The following PABIR3 variants were observed in gnomAD, a reference collection of about 807,000 sequenced individuals.
PABIR3 encodes PABIR family member 1.
In PABIR3, 20 loss-of-function variants were observed where a neutral mutation model predicts 23.1. The observed-to-expected ratio is 0.86, with a 90% CI of 0.61 to 1.26. The LOEUF (loss-of-function observed/expected upper bound fraction) is 1.26. PABIR3 is among the 50% of genes most tolerant of loss of function. The pLI is 0.00. For synonymous variants in PABIR3, 69 were observed against 68.5 expected, an observed-to-expected ratio of 1.01 and a Z score of -0.04; for missense variants, 189 against 195.4, an observed-to-expected ratio of 0.97 and a Z score of 0.20.
At chrX:134,807,444 C>A in intron 1 of PABIR3, 96 bp from the exon 2 acceptor site, 2 of 1,083,615 alleles carry the variant, frequency 1.8e-6, no homozygotes, top group Non-Finnish European at 2.4e-6. Context: ...GCTGCTAGGG[C>A]TGCAAAGGTG....
the PABIR3 span, among the ~76,000 whole-genome samples, chrX:134,861,530 C>T: frequency 5.7e-5 from 6 of 105,935 alleles, no homozygotes; most frequent in South Asian, 1.3e-3. Context: ...AATAATTAGC[C>T]GGGCGCAGTG....
intron 4 of PABIR3, among the ~76,000 whole-genome samples, chrX:134,839,885 G>A (rs1253465349): frequency 1.8e-5 from 2 of 113,168 alleles, no homozygotes; most frequent in African/African-American, 6.4e-5. Context: ...TTGAGAACGG[G>A]CCATGATGAC....
chrX:134,839,025 G>A (rs1415344113), intron 4 of PABIR3: 1 of 117,240 alleles, frequency 8.5e-6, no homozygotes, highest in Non-Finnish European at 1.7e-5. Flanking sequence ...GAGTGCAGTG[G>A]CGTGATCTCG....
chrX:134,809,203 TCGCCCAGG>T (rs2080462062), intron 2 of PABIR3: 1 of 141,004 alleles, frequency 7.1e-6, no homozygotes, highest in African/African-American at 3.4e-5. Flanking sequence ...TCTCACTGTG[TCGCCCAGG>T]CTGGAGTGCA....
chrX:134,801,329 C>T (rs1360152941), intron 1 of PABIR3, among the ~76,000 whole-genome samples: 1 of 112,300 alleles, frequency 8.9e-6, no homozygotes, highest in Non-Finnish European at 1.9e-5. Context: ...GAGGGGGCAT[C>T]TCCATGATAG....
intron 3 of PABIR3, chrX:134,821,265 A>AAAC: frequency 1.0e-6 from 1 of 982,515 alleles, no homozygotes; most frequent in Non-Finnish European, 1.3e-6. Context: ...AAAAAAAAAA[A>AAAC]AACTGTTCCC....
intron 3 of PABIR3, among the ~76,000 whole-genome samples, chrX:134,819,278 A>T (rs1035163017): frequency 1.1e-4 from 12 of 111,403 alleles, no homozygotes; most frequent in African/African-American, 3.9e-4. Context: ...TAGGAATTCT[A>T]GGCTCCTAAT....
upstream of PABIR3, among the ~76,000 whole-genome samples, chrX:134,805,130 CATT>C (rs911322015): frequency 3.6e-5 from 4 of 112,014 alleles, no homozygotes; most frequent in African/African-American, 9.7e-5. Flanking sequence ...TGAGGCATCT[CATT>C]TTTTTTTTTA....
intron 3 of PABIR3, among the ~76,000 whole-genome samples, chrX:134,826,663 T>C (rs2081518878): frequency 8.9e-6 from 1 of 111,837 alleles, no homozygotes; most frequent in Non-Finnish European, 1.9e-5. Flanking sequence ...TAGCGAATTA[T>C]TGTGGTGAAG....
At chrX:134,802,650 C>T (rs930974950), upstream of PABIR3, among the ~76,000 whole-genome samples, 2 of 112,151 alleles carry the variant, frequency 1.8e-5, no homozygotes, top group African/African-American at 6.5e-5. Flanking sequence ...CTGAGCTCCC[C>T]AAAACATATG....
chrX:134,828,047 C>CTCTATATATATATA (rs1466733144), intron 3 of PABIR3, among the ~76,000 whole-genome samples: 1 of 49,420 alleles, frequency 2.0e-5, no homozygotes, highest in Non-Finnish European at 3.4e-5. Flanking sequence ...CTCTCTCTCT[C>CTCTATATATATATA]TATATATATA....
upstream of PABIR3, chrX:134,804,108 C>A: frequency 1.5e-6 from 1 of 674,472 alleles, no homozygotes; most frequent in Non-Finnish European, 2.2e-6. Flanking sequence ...TAGGTGAGGG[C>A]CTGGGACAGA....
the PABIR3 span, among the ~76,000 whole-genome samples, chrX:134,860,025 C>G: frequency 9.0e-6 from 1 of 111,261 alleles, no homozygotes; most frequent in Admixed American, 9.6e-5. Context: ...AGAGTGGGGT[C>G]TTTGGAAAGG....
intron 4 of PABIR3, among the ~76,000 whole-genome samples, chrX:134,837,909 C>G (rs935582799): frequency 4.5e-5 from 5 of 112,358 alleles, no homozygotes; most frequent in Admixed American, 9.5e-5. Context: ...AAGAACTATA[C>G]TAACAATTAC....
the PABIR3 span, among the ~76,000 whole-genome samples, chrX:134,860,799 C>T: frequency 6.3e-5 from 7 of 111,793 alleles, no homozygotes; most frequent in Admixed American, 3.8e-4. Context: ...ATGCATGAAG[C>T]ACGAAACATT....
Position 134,854,195 on chromosome X carries a change from A to T in PABIR3, c.791A>T (p.Asp264Val), listed in dbSNP as rs1192954644. 1 of 1,210,415 alleles carries T rather than the reference A, an allele frequency of 8.3e-7. No homozygotes were observed. Among genetic ancestry groups the T allele is most frequent in the Non-Finnish European group, 1.1e-6 (1 of 894,933 alleles). The part of the protein sequence containing the change: ...TVTNSPVSPS[D>V]TGSHLF ...ACAAACTCTCCTGTGTCACCTTCTG[A>T]TACTGGTTCTCATTTGTTCTAGTAG... is the stretch of plus-strand genomic sequence containing the variant. The change falls in exon 11 of 11, where the codon GAT (aspartate) becomes GTT (valine). Residue 264 changes from aspartate (D) to valine (V), a missense_variant. Asp to Val is a radical substitution (Grantham distance 152). Transcript: ENST00000645433.
At chrX:134,851,413 G>C (rs2082630249) in intron 9 of PABIR3, among the ~76,000 whole-genome samples, 1 of 109,642 alleles carries the variant, frequency 9.1e-6, no homozygotes, top group Non-Finnish European at 1.9e-5. Flanking sequence ...GTGTGTGCCT[G>C]TAATCCCAGC....
chrX:134,840,055 T>G (rs1164112736), intron 4 of PABIR3, among the ~76,000 whole-genome samples: 1 of 112,228 alleles, frequency 8.9e-6, no homozygotes, highest in Admixed American at 9.4e-5. Flanking sequence ...ATCTGTGACC[T>G]TACCCCCAAC....
intron 3 of PABIR3, among the ~76,000 whole-genome samples, chrX:134,828,069 ATG>A (rs1556328444): frequency 1.4e-4 from 14 of 98,833 alleles, no homozygotes; most frequent in African/African-American, 4.8e-4. Context: ...ATATATATAT[ATG>A]TATATTTGTA....
Sources: allele counts gnomAD v4.1 joint callset (sites outside exome capture counted in the v4.1 genomes callset), GRCh38; gene constraint gnomAD v4.1.1; transcripts MANE v1.5; gene names NCBI Gene and HGNC (gene_info 2026-07-23, HGNC 2026-07-21).